The following MARVELD3 variants were observed in gnomAD, a reference collection of about 807,000 sequenced individuals.
MARVELD3 encodes MARVEL domain-containing protein 3.
In MARVELD3, 28 loss-of-function variants were observed where a neutral mutation model predicts 33.5. The observed-to-expected ratio is 0.84, with a 90% CI of 0.62 to 1.15. The LOEUF (loss-of-function observed/expected upper bound fraction) is 1.15, where lower values mean the gene tolerates loss of function less well. MARVELD3 is among the 50% of genes most tolerant of loss of function. The pLI, the probability that MARVELD3 is intolerant of heterozygous loss-of-function variation, is 0.00. For synonymous variants in MARVELD3, 241 were observed against 230.4 expected, an observed-to-expected ratio of 1.05 and a Z score of -0.42; for missense variants, 582 against 547.6, an observed-to-expected ratio of 1.06 and a Z score of -0.63.
chr16:71,632,802 G>A (rs2044545973), intron 2 of MARVELD3, among the ~76,000 whole-genome samples: 1 of 151,744 alleles, frequency 6.6e-6, no homozygotes, highest in Non-Finnish European at 1.5e-5. Flanking sequence ...AGTAGAGACA[G>A]GGTTTCACCA....
Position 71,634,538 on chromosome 16 carries a change from CG to C in MARVELD3, c.948del (p.Tyr317ThrfsTer45), listed in dbSNP as rs747980715. ...GAAGGCTTGTTGGACATGCTCATCG[CG>C]GGGGGGTACATCCCGGCCTTGTACT... ...VTEGLLDMLIAGGYIPALYFY... is the reference protein window; with the variant it reads ...VTEGLLDMLIXGGYIPALYFY... On this transcript the variant is annotated frameshift_variant, in exon 3 of 3. Coordinates refer to ENST00000268485, the MANE Select transcript of MARVELD3 (RefSeq NM_052858.6). LOFTEE classifies it high-confidence loss of function. 1.9e-5 allele frequency: 31 copies of C among 1,614,064 alleles called. No homozygotes were observed. In the African/African-American group the frequency reaches 2.8e-4, roughly 15 times the overall value.
chr16:71,626,545 G>T lies in MARVELD3; in HGVS notation c.316G>T (p.Val106Phe). The change falls in exon 1 of 3, where the codon GTT becomes TTT. Residue 106 changes from valine to phenylalanine, a missense_variant. Transcript: ENST00000268485. This position sits in a 1 kb window ranked among gnomAD's most constrained non-coding sequence, Gnocchi z 5.3. ...GGGCCCTCGCGCAGGTGAACACGGAGTTTGGGAAAAACCGCGCCAAAGCCG... is the reference window on the plus strand; with the variant it reads ...GGGCCCTCGCGCAGGTGAACACGGATTTTGGGAAAAACCGCGCCAAAGCCG... ...DAGPRAGEHG[V>F]WEKPRQSRTR... The T allele has an allele frequency of 6.5e-7, 1 of 1,549,450 alleles. No individual in the cohort carries two copies.
Position 71,636,132 on chromosome 16 carries a change from A to T in MARVELD3, c.*1329A>T. The T allele has an allele frequency of 1.0e-6, 1 of 985,288 alleles. No homozygotes were observed. Among genetic ancestry groups the T allele is most frequent in the Non-Finnish European group, 1.2e-6 (1 of 829,790 alleles). The allele number at this position is 985,288 out of a possible 1,614,324, so 61.0% of individuals were successfully genotyped here. On this transcript the variant is annotated 3_prime_UTR_variant, in exon 3 of 3. Transcript: ENST00000268485. The stretch of plus-strand genomic sequence containing the variant: ...CTTAAGTTATGACTTATGGAACATT[A>T]CAATATATTCTCGGTCCAAGTGAGT...
downstream of MARVELD3, chr16:71,640,555 A>G (rs2044610211): frequency 1.9e-6 from 3 of 1,614,214 alleles, no homozygotes; most frequent in Non-Finnish European, 2.5e-6. Flanking sequence ...CAGGTTCGGC[A>G]GCTGGACCAG....
intron 2 of MARVELD3, among the ~76,000 whole-genome samples, chr16:71,633,712 T>C (rs2044554160): frequency 6.6e-6 from 1 of 151,544 alleles, no homozygotes; most frequent in African/African-American, 2.4e-5. Context: ...TTTTTTTTTT[T>C]TTAAATTAGA....
intron 2 of MARVELD3, among the ~76,000 whole-genome samples, chr16:71,632,151 C>G (rs2044539806): frequency 2.6e-5 from 4 of 152,134 alleles, no homozygotes; most frequent in Admixed American, 2.0e-4. Flanking sequence ...CAAGGCAGAA[C>G]TAGTTTCTAA....
At chr16:71,629,120 CA>C (rs1352085222) in intron 1 of MARVELD3, 21 of 437,292 alleles carry the variant, frequency 4.8e-5, no homozygotes, top group Middle Eastern at 5.6e-4. Flanking sequence ...AGACAGCTCC[CA>C]GGGGCAGACA....
downstream of MARVELD3, chr16:71,638,039 T>TA (rs1287934567): frequency 2.6e-5 from 4 of 152,156 alleles, no homozygotes; most frequent in Admixed American, 2.6e-4. Flanking sequence ...GACAAGGCAG[T>TA]AAAAAGCGGG....
At chr16:71,632,589 T>C (rs1026107188) in intron 2 of MARVELD3, among the ~76,000 whole-genome samples, 16 of 146,966 alleles carry the variant, frequency 1.1e-4, no homozygotes, top group African/African-American at 4.0e-4. Context: ...TTCCTATTTC[T>C]TTTTTTTTTT....
chr16:71,630,976 G>T (rs1344499777), intron 2 of MARVELD3, among the ~76,000 whole-genome samples: 2 of 152,158 alleles, frequency 1.3e-5, no homozygotes, highest in African/African-American at 4.8e-5. Context: ...GTTTGTCTGG[G>T]TGAGAGCTTA....
chr16:71,628,600 G>C (rs1485360013), intron 1 of MARVELD3, among the ~76,000 whole-genome samples: 1 of 151,824 alleles, frequency 6.6e-6, no homozygotes, highest in Non-Finnish European at 1.5e-5. Flanking sequence ...GAGAAGAATA[G>C]CTTCTGTAGT....
downstream of MARVELD3, among the ~76,000 whole-genome samples, chr16:71,637,105 T>C (rs534230445): frequency 1.3e-5 from 2 of 152,290 alleles, no homozygotes; most frequent in East Asian, 1.9e-4. Context: ...TTGATATTGA[T>C]AGCTAAGCCA....
chr16:71,639,644 A>C (rs1459203432), downstream of MARVELD3, among the ~76,000 whole-genome samples: 1 of 150,372 alleles, frequency 6.7e-6, no homozygotes, highest in African/African-American at 2.4e-5. Flanking sequence ...ATGGGGTTTC[A>C]CCATGTTGGT....
At chr16:71,641,492 G>A (rs2044618871) in exon 3 of MARVELD3, 2 of 161,112 alleles carry the variant, frequency 1.2e-5, no homozygotes, top group African/African-American at 2.4e-5. Flanking sequence ...GGAGGCTGAG[G>A]CAGGAGAATC....
Position 71,635,954 on chromosome 16 carries a change from T to C in MARVELD3, c.*1151T>C. 1.0e-6 allele frequency: 1 copy of C among 985,404 alleles called. No individual in the cohort carries two copies. Among genetic ancestry groups the C allele is most frequent in the Non-Finnish European group, 1.2e-6 (1 of 829,912 alleles). 61.0% of individuals were successfully genotyped at this position (985,404 alleles called of 1,614,324 possible). On this transcript the variant is annotated 3_prime_UTR_variant, in exon 3 of 3. Transcript: ENST00000268485. ...TGTAAATGTGCCATTGTGTGAAGCA[T>C]TAAACCCAACATCTAGAATTCAGGA...
chr16:71,638,860 G>A (rs1042373958), downstream of MARVELD3: 1 of 149,368 alleles, frequency 6.7e-6, no homozygotes, highest in African/African-American at 2.5e-5. Context: ...GCAGCACCAT[G>A]ATGCAATCCA....
downstream of MARVELD3, chr16:71,638,093 C>T (rs1267173436): frequency 6.6e-6 from 1 of 152,182 alleles, no homozygotes. Flanking sequence ...TTGTATTTCT[C>T]TTCATGCTCA....
downstream of MARVELD3, chr16:71,640,264 C>CAAAAAA: frequency 1.1e-6 from 1 of 889,056 alleles, no homozygotes; most frequent in Non-Finnish European, 1.6e-6. Flanking sequence ...GACACCGTCT[C>CAAAAAA]AAAAAAAAAA....
intron 1 of MARVELD3, among the ~76,000 whole-genome samples, chr16:71,627,993 G>T (rs529917454): frequency 9.8e-5 from 15 of 152,302 alleles, no homozygotes; most frequent in African/African-American, 3.4e-4. Context: ...GAGGAGTCAG[G>T]CTCCCCTCTC....
Sources: allele counts gnomAD v4.1 joint callset (sites outside exome capture counted in the v4.1 genomes callset), GRCh38; gene constraint gnomAD v4.1.1; non-coding constraint Gnocchi (gnomAD v3.1); transcripts MANE v1.5; gene names NCBI Gene and HGNC (gene_info 2026-07-23, HGNC 2026-07-21).